SGCD: variants seen among roughly 807,000 people sequenced by gnomAD.
The protein encoded by SGCD is sarcoglycan delta.
SGCD carries 18 observed loss-of-function variants against 36.6 expected under a neutral mutation model. The observed-to-expected ratio is 0.49, with a 90% CI of 0.34 to 0.73. The LOEUF is 0.73. Ranked by LOEUF, SGCD falls within the 30% of genes least tolerant of loss-of-function variation. The pLI is 0.01. For synonymous variants in SGCD, 133 were observed against 130.6 expected, an observed-to-expected ratio of 1.02 and a Z score of -0.12; for missense variants, 387 against 346.7, an observed-to-expected ratio of 1.12 and a Z score of -0.92.
intron 1 of SGCD, among the ~76,000 whole-genome samples, chr5:156,025,695 T>C (rs1759212519): frequency 6.6e-6 from 1 of 152,246 alleles, no homozygotes; most frequent in Non-Finnish European, 1.5e-5. Context: ...TATTATGTTG[T>C]ATTATTTTGT....
At chr5:156,309,409 ATTCT>A (rs367933128) in intron 3 of SGCD, among the ~76,000 whole-genome samples, 1 of 151,904 alleles carries the variant, frequency 6.6e-6, no homozygotes, top group Non-Finnish European at 1.5e-5. Flanking sequence ...AAAATTGCTG[ATTCT>A]TTCTTCTGCT....
chr5:156,543,305 C>A (rs1444725531), intron 4 of SGCD, among the ~76,000 whole-genome samples: 1 of 152,150 alleles, frequency 6.6e-6, no homozygotes, highest in Admixed American at 6.6e-5. Flanking sequence ...TCATTTATAA[C>A]CACTGATCTA....
At chr5:155,938,676 G>A (rs1469852077) in intron 1 of SGCD, among the ~76,000 whole-genome samples, 1 of 152,190 alleles carries the variant, frequency 6.6e-6, no homozygotes, top group Non-Finnish European at 1.5e-5. Context: ...AGTTTGAGAA[G>A]GAAGAGAAAG....
intron 3 of SGCD, among the ~76,000 whole-genome samples, chr5:156,367,633 A>T (rs764078761): frequency 3.3e-5 from 5 of 151,202 alleles, no homozygotes; most frequent in Admixed American, 2.0e-4. Flanking sequence ...GGATGTTGAC[A>T]ATCTACACCA....
At chr5:155,845,672 G>A in the SGCD span, 3 of 152,156 alleles carry the variant, frequency 2.0e-5, no homozygotes, top group East Asian at 1.9e-4. Flanking sequence ...GATATTTCAC[G>A]GTTGTAACCA....
rs1757547308 is a variant in SGCD at position 156,764,249 on chromosome 5, G to A, written c.*4859G>A. On this transcript the variant is annotated 3_prime_UTR_variant, in exon 9 of 9. Transcript: ENST00000337851. ...ATCTCCGTGGTGGAAGGTTCCCCTAGTTCCAACATATTTCCATTAAAATAG... is the reference window on the plus strand; with the variant it reads ...ATCTCCGTGGTGGAAGGTTCCCCTAATTCCAACATATTTCCATTAAAATAG... 1 of 152,584 alleles carries A rather than the reference G, an allele frequency of 6.6e-6. No individual in the cohort carries two copies. The highest frequency in any genetic ancestry group is 1.5e-5 in the Non-Finnish European group (1 of 68,032). The allele number at this position is 152,584 out of a possible 1,614,324, so 9.5% of individuals were successfully genotyped here.
intron 3 of SGCD, among the ~76,000 whole-genome samples, chr5:156,191,334 G>T (rs1263185499): frequency 6.6e-6 from 1 of 152,102 alleles, no homozygotes; most frequent in East Asian, 1.9e-4. Context: ...ACTTACAGGT[G>T]ATTGATCACC....
In SGCD at chr5:156,580,500, A is replaced by G. The variant is rs145272231; in HGVS notation, c.295-8731A>G. On this transcript the variant is annotated intron_variant, in intron 4 of 8. Transcript: ENST00000337851. ...GGAACACTCCGAAGAGTGTTTTCCA[A>G]CTTGGTTCCATTCTCCCAGTCACTT... is the stretch of plus-strand genomic sequence containing the variant. 7.9e-5 allele frequency among the ~76,000 whole-genome samples: 12 copies of G among 152,202 alleles called. No individual in the cohort carries two copies. The East Asian group carries it at 2.3e-3, about 29-fold the overall frequency.
chr5:156,736,027 T>A (rs1756343485), intron 7 of SGCD, among the ~76,000 whole-genome samples: 1 of 152,114 alleles, frequency 6.6e-6, no homozygotes, highest in East Asian at 1.9e-4. Flanking sequence ...CACTCGCTGC[T>A]TACCTTGGCA....
At chr5:156,608,362 G>A (rs188563161) in intron 6 of SGCD, among the ~76,000 whole-genome samples, 8,914 of 152,184 alleles carry the variant, frequency 0.059, 581 homozygotes, top group East Asian at 0.22. Flanking sequence ...TTTTGAGTGC[G>A]TTTCTTAATC....
intron 3 of SGCD, among the ~76,000 whole-genome samples, chr5:156,159,784 TAA>T (rs1763047910): frequency 1.3e-5 from 2 of 151,704 alleles, no homozygotes; most frequent in African/African-American, 4.9e-5. Flanking sequence ...AAATCCATTG[TAA>T]AGTTTTTATT....
At chr5:156,149,410 T>C (rs1762780952) in intron 3 of SGCD, among the ~76,000 whole-genome samples, 2 of 152,248 alleles carry the variant, frequency 1.3e-5, no homozygotes, top group South Asian at 4.1e-4. Context: ...ATAAGCAGAC[T>C]GAATCATGTT....
In SGCD at chr5:155,894,519, C is replaced by T. The variant is rs114623412; in HGVS notation, c.-282+24095C>T. Among the ~76,000 whole-genome samples the T allele has an allele frequency of 2.5e-3, 384 of 152,226 alleles. 6 individuals carry two copies. The highest frequency in any genetic ancestry group is 8.9e-3 in the African/African-American group (369 of 41,538). ...GTCTGTGGCCTATTATAAACTGGGC[C>T]GCATAGCAGATGAGCAGTGGACCAG... is the stretch of plus-strand genomic sequence containing the variant. On this transcript the variant is annotated intron_variant, in intron 1 of 9. Coordinates refer to the SGCD transcript ENST00000517913.
intron 3 of SGCD, among the ~76,000 whole-genome samples, chr5:156,233,345 C>T (rs1765069726): frequency 6.6e-6 from 1 of 152,178 alleles, no homozygotes. Context: ...AATTAAACAT[C>T]ATAACGGGAA....
At chr5:156,427,449 T>A (rs1448114555) in intron 3 of SGCD, among the ~76,000 whole-genome samples, 6 of 152,100 alleles carry the variant, frequency 3.9e-5, no homozygotes, top group Non-Finnish European at 5.9e-5. Flanking sequence ...AGTGAGTCTT[T>A]AGGGTTTTTT....
At chr5:156,670,458 CT>C (rs1396212657) in intron 7 of SGCD, among the ~76,000 whole-genome samples, 2 of 152,268 alleles carry the variant, frequency 1.3e-5, no homozygotes, top group Middle Eastern at 3.4e-3. Context: ...TCGACTCTTC[CT>C]TTTTTTCCCC....
intron 3 of SGCD, among the ~76,000 whole-genome samples, chr5:156,382,633 A>T (rs1425270614): frequency 6.6e-6 from 1 of 152,188 alleles, no homozygotes; most frequent in Non-Finnish European, 1.5e-5. Context: ...GTGACATGTT[A>T]TAATAATAAT....
At chr5:156,382,467 T>G (rs887324310) in intron 3 of SGCD, among the ~76,000 whole-genome samples, 2 of 152,196 alleles carry the variant, frequency 1.3e-5, no homozygotes, top group Admixed American at 6.5e-5. Flanking sequence ...GGTGTCTTGA[T>G]GTACTTGTAA....
At chr5:156,334,747 C>T (rs904119497) in intron 2 of SGCD, among the ~76,000 whole-genome samples, 3 of 151,696 alleles carry the variant, frequency 2.0e-5, no homozygotes, top group Admixed American at 2.0e-4. Context: ...CTCTTTCCAC[C>T]GCTGTGAGAT....
Sources: allele counts gnomAD v4.1 joint callset (sites outside exome capture counted in the v4.1 genomes callset), GRCh38; gene constraint gnomAD v4.1.1; transcripts MANE v1.5; gene names NCBI Gene and HGNC (gene_info 2026-07-23, HGNC 2026-07-21).